Variants in TENM4 observed in about 807,000 individuals in gnomAD.
The protein encoded by TENM4 is teneurin transmembrane protein 4.
A neutral mutation model predicts 243.3 loss-of-function variants in TENM4; 82 were observed. The observed-to-expected ratio is 0.34, with a 90% CI of 0.28 to 0.40. The LOEUF (loss-of-function observed/expected upper bound fraction) is 0.40, where lower values mean the gene tolerates loss of function less well. TENM4 is among the 10% of genes least tolerant of loss of function. The probability of loss-of-function intolerance (pLI) is 1.00; values close to 1 mark genes in which losing one functional copy is unlikely to be tolerated. For missense variants in TENM4, 3,138 were observed against 3,673.3 expected, an observed-to-expected ratio of 0.85 and a Z score of 3.77; for synonymous variants, 1,412 against 1,456.3, an observed-to-expected ratio of 0.97 and a Z score of 0.69.
chr11:79,424,751 G>A (rs928857344), intron 1 of TENM4, among the ~76,000 whole-genome samples: 1 of 152,120 alleles, frequency 6.6e-6, no homozygotes, highest in African/African-American at 2.4e-5. Context: ...TGGTTAACAC[G>A]GTGAAATCCC....
intron 4 of TENM4, among the ~76,000 whole-genome samples, chr11:79,120,425 T>A (rs1861717516): frequency 6.6e-6 from 1 of 152,226 alleles, no homozygotes; most frequent in Admixed American, 6.5e-5. Context: ...AATAAAACAC[T>A]AACTTAGTGC....
In TENM4 at chr11:78,676,305, C is replaced by T. The variant is rs745340596; in HGVS notation, c.5343G>A (p.Gln1781=). The T allele has an allele frequency of 1.9e-6, 3 of 1,612,634 alleles. No homozygotes were observed. Among genetic ancestry groups the T allele is most frequent in the African/African-American group, 1.3e-5 (1 of 75,028 alleles). ...LLANGMEVAL[Q]TEPHLLAGTV... ...TGCCAGCCAGCAAGTGGGGCTCAGT[C>T]TGCAGCGCCACCTCCATGCCGTTGG... The change falls in exon 30 of 34, where the codon CAG becomes CAA. Residue 1781 remains glutamine, a synonymous_variant. Transcript: ENST00000278550.
At chr11:79,077,388 A>C (rs1591264528) in intron 4 of TENM4, among the ~76,000 whole-genome samples, 1 of 152,202 alleles carries the variant, frequency 6.6e-6, no homozygotes, top group East Asian at 1.9e-4. Context: ...AAAGAATGTC[A>C]AGTAAAAGAC....
intron 6 of TENM4, among the ~76,000 whole-genome samples, chr11:78,920,562 G>A (rs559140): frequency 0.96 from 146,793 of 152,154 alleles, 70,942 homozygotes; most frequent in Non-Finnish European, 0.99. Flanking sequence ...ACTCCTGGAC[G>A]CTGTTACTAA....
At chr11:79,267,582 T>C (rs1314921100) in intron 2 of TENM4, among the ~76,000 whole-genome samples, 1 of 152,314 alleles carries the variant, frequency 6.6e-6, no homozygotes, top group South Asian at 2.1e-4. Context: ...AATTAAAACA[T>C]CTCTGGTCCT....
chr11:78,817,361 C>T (rs7113074), intron 12 of TENM4, among the ~76,000 whole-genome samples: 5,257 of 152,302 alleles, frequency 0.035, 303 homozygotes, highest in African/African-American at 0.12. Flanking sequence ...TCCACTCACT[C>T]AGTGTTGTCT....
intron 6 of TENM4, among the ~76,000 whole-genome samples, chr11:78,914,892 G>A (rs1308207615): frequency 1.3e-5 from 2 of 152,232 alleles, no homozygotes; most frequent in African/African-American, 4.8e-5. Flanking sequence ...GTGAACATTG[G>A]TGCCCCAGCC....
chr11:79,321,590 A>C (rs983024627), intron 1 of TENM4, among the ~76,000 whole-genome samples: 3 of 149,684 alleles, frequency 2.0e-5, no homozygotes, highest in African/African-American at 7.4e-5. Flanking sequence ...CAGTTCAAAC[A>C]ACTCGTCACT....
intron 4 of TENM4, among the ~76,000 whole-genome samples, chr11:79,127,030 A>G (rs1861893463): frequency 6.6e-6 from 1 of 152,318 alleles, no homozygotes; most frequent in Non-Finnish European, 1.5e-5. Flanking sequence ...TTTAGCTCAG[A>G]TCTGACTTAT....
At position 78,730,999 on chromosome 11, in the gene TENM4, C is replaced by T. The variant is rs368726513; in HGVS notation, c.3138+1317G>A. ...AACATACCCTTTAAAATTCATATCT[C>T]CCAGCACTTGCAAAGGTTAACCTGT... is the stretch of plus-strand genomic sequence containing the variant. On this transcript the variant is annotated intron_variant, in intron 21 of 33. Coordinates refer to ENST00000278550, the MANE Select transcript of TENM4 (RefSeq NM_001098816.3). Among the ~76,000 whole-genome samples, 13 of 152,322 alleles carry T rather than the reference C, an allele frequency of 8.5e-5. No homozygotes were observed. The East Asian group carries it at 1.3e-3, about 16-fold the overall frequency.
At chr11:78,771,750 C>T (rs1163912944) in intron 17 of TENM4, among the ~76,000 whole-genome samples, 9 of 152,154 alleles carry the variant, frequency 5.9e-5, no homozygotes. Context: ...AACATCTTGT[C>T]TACAGCTACA....
chr11:79,406,273 G>A (rs1209150350), intron 1 of TENM4, among the ~76,000 whole-genome samples: 1 of 151,918 alleles, frequency 6.6e-6, no homozygotes, highest in Non-Finnish European at 1.5e-5. Context: ...CTGACTCTTT[G>A]TTTCTGGAAT....
rs1857909479 is a variant in TENM4, at chr11:78,656,913, T to G, written c.*1145A>C. 2.5e-6 allele frequency: 1 copy of G among 397,486 alleles called. No homozygotes were observed. 24.6% of individuals were successfully genotyped at this position (397,486 alleles called of 1,614,324 possible). On this transcript the variant is annotated 3_prime_UTR_variant, in exon 34 of 34. Coordinates refer to ENST00000278550, the MANE Select transcript of TENM4 (RefSeq NM_001098816.3). ...ATGCTTAGCTTATGCCTTCCTCTCT[T>G]TGGCTGGCTTTTTTTGTTAAGCATT...
At chr11:79,292,369 T>C (rs1856371462) in intron 2 of TENM4, among the ~76,000 whole-genome samples, 1 of 151,388 alleles carries the variant, frequency 6.6e-6, no homozygotes, top group Non-Finnish European at 1.5e-5. Context: ...TCCATGGAGC[T>C]CAAACGACTG....
chr11:79,199,204 C>T (rs1267016949), intron 3 of TENM4, among the ~76,000 whole-genome samples: 1 of 152,188 alleles, frequency 6.6e-6, no homozygotes, highest in African/African-American at 2.4e-5. Context: ...AATCTTGCCT[C>T]TCTGTCCTCC....
intron 6 of TENM4, among the ~76,000 whole-genome samples, chr11:79,042,722 C>T (rs987101015): frequency 6.6e-6 from 1 of 152,168 alleles, no homozygotes; most frequent in Non-Finnish European, 1.5e-5. Flanking sequence ...CATTTCCTTT[C>T]CCCCAACCCA....
intron 1 of TENM4, among the ~76,000 whole-genome samples, chr11:79,302,002 C>T (rs1202039611): frequency 2.0e-5 from 3 of 152,280 alleles, no homozygotes; most frequent in Non-Finnish European, 4.4e-5. Flanking sequence ...AGTGCGAGAA[C>T]GGACTAATAC....
chr11:78,886,194 T>C (rs1591100437), intron 9 of TENM4, among the ~76,000 whole-genome samples: 1 of 152,198 alleles, frequency 6.6e-6, no homozygotes, highest in Non-Finnish European at 1.5e-5. Flanking sequence ...TAATTAATAA[T>C]TGATTATACT....
intron 12 of TENM4, among the ~76,000 whole-genome samples, chr11:78,826,004 C>T (rs1857839618): frequency 1.3e-5 from 2 of 151,504 alleles, no homozygotes; most frequent in Non-Finnish European, 2.9e-5. Context: ...TAATTAGTCT[C>T]CAATCATTTA....
Sources: gnomAD v4.1 joint callset for allele counts (sites outside exome capture counted in the v4.1 genomes callset) on GRCh38, gnomAD v4.1.1 for gene constraint, MANE v1.5 for transcripts, NCBI Gene and HGNC (gene_info 2026-07-23, HGNC 2026-07-21) for gene names.